Variants in NTRK2 observed in about 807,000 individuals in gnomAD.
NTRK2 encodes the protein BDNF/NT-3 growth factors receptor.
Under a neutral mutation model 94.5 loss-of-function variants are expected in NTRK2, and 13 were observed. The ratio of observed to expected loss-of-function variants is 0.14; its 90% confidence interval spans 0.09 to 0.22. The LOEUF is 0.22. Ranked by LOEUF, NTRK2 falls within the 10% of genes least tolerant of loss-of-function variation. NTRK2 has a pLI of 1.00. For missense variants in NTRK2, 639 were observed against 1,071.2 expected (o/e 0.60, Z 5.63); for synonymous variants, 372 against 407.4 (o/e 0.91, Z 1.05).
In NTRK2 at chr9:85,021,508, C is replaced by G. The variant is rs1564559389; in HGVS notation, c.*71C>G. 1 of 1,510,894 alleles carries G rather than the reference C, an allele frequency of 6.6e-7. No homozygotes were observed. Among genetic ancestry groups the G allele is most frequent in the Non-Finnish European group, 9.2e-7 (1 of 1,087,306 alleles). The allele number at this position is 1,510,894 out of a possible 1,614,324, so 93.6% of individuals were successfully genotyped here. On this transcript the variant is annotated 3_prime_UTR_variant, in exon 19 of 19. Coordinates refer to ENST00000277120, the MANE Select transcript of NTRK2 (RefSeq NM_006180.6). The stretch of plus-strand genomic sequence containing the variant: ...GGCTGAGAGGATGAACATCTTTTAA[C>G]TGCCGCTGGAGGCCACCAAGCTGCT...
chr9:84,738,432 C>A (rs1333681843), intron 9 of NTRK2, among the ~76,000 whole-genome samples: 1 of 152,116 alleles, frequency 6.6e-6, no homozygotes, highest in East Asian at 1.9e-4. Flanking sequence ...ATGAAGGAAC[C>A]ATTTAGAAAT....
intron 2 of NTRK2, among the ~76,000 whole-genome samples, chr9:84,689,318 A>G (rs1365130883): frequency 2.0e-5 from 3 of 152,212 alleles, no homozygotes; most frequent in Non-Finnish European, 4.4e-5. Flanking sequence ...CTCATCGTGT[A>G]GGACCTGGTG....
chr9:84,874,696 C>A, intron 14 of NTRK2: 1 of 1,062,316 alleles, frequency 9.4e-7, no homozygotes, highest in Non-Finnish European at 1.1e-6. Context: ...TGGACTCAGC[C>A]CCTAACTGGA....
At chr9:84,952,231 G>T (rs1187501576) in intron 16 of NTRK2, among the ~76,000 whole-genome samples, 4 of 152,186 alleles carry the variant, frequency 2.6e-5, no homozygotes, top group Non-Finnish European at 5.9e-5. Context: ...GCCCCTGGCT[G>T]CAAGAACTCA....
Position 85,021,312 on chromosome 9 carries a change from G to A in NTRK2, c.2392G>A (p.Val798Met). 6.2e-7 allele frequency: 1 copy of A among 1,614,150 alleles called. No homozygotes were observed. ...GCGACCCCGCACGTGCCCCCAGGAG[G>A]TGTATGAGCTGATGCTGGGGTGCTG... ...LQRPRTCPQEVYELMLGCWQR... is the reference protein window; with the variant it reads ...LQRPRTCPQEMYELMLGCWQR... Residue 798 changes from valine (V) to methionine (M), a missense_variant, in exon 19 of 19, where the codon GTG (valine) becomes ATG (methionine). Val to Met is a conservative substitution (Grantham distance 21, BLOSUM62 1). This residue lies in a region of NTRK2 where 77 missense variants were observed against 203.6 expected (regional missense o/e 0.38). Coordinates refer to ENST00000277120, the MANE Select transcript of NTRK2 (RefSeq NM_006180.6).
intron 17 of NTRK2, among the ~76,000 whole-genome samples, chr9:84,972,887 T>C (rs1210877804): frequency 6.6e-6 from 1 of 152,182 alleles, no homozygotes; most frequent in Non-Finnish European, 1.5e-5. Flanking sequence ...CAGATCTAGG[T>C]CCTCTGTGCA....
intron 15 of NTRK2, among the ~76,000 whole-genome samples, chr9:84,934,521 A>T (rs1235881067): frequency 1.3e-5 from 2 of 152,182 alleles, no homozygotes; most frequent in Admixed American, 6.5e-5. Flanking sequence ...GGCTGTGAAG[A>T]GCTCTGAGCT....
intron 13 of NTRK2, 55 bp downstream of exon 13, chr9:84,861,142 C>A (rs947248614): frequency 2.2e-6 from 3 of 1,355,218 alleles, no homozygotes; most frequent in Middle Eastern, 1.8e-4. Context: ...TGTTTTTATT[C>A]GGATGAAAAT....
intron 12 of NTRK2, among the ~76,000 whole-genome samples, chr9:84,832,442 A>G (rs1033768197): frequency 1.3e-5 from 2 of 152,200 alleles, no homozygotes; most frequent in African/African-American, 4.8e-5. Context: ...AGATCCAGGG[A>G]AGGATTCCTG....
chr9:84,701,230 G>A (rs2060700079), intron 2 of NTRK2, among the ~76,000 whole-genome samples: 2 of 152,218 alleles, frequency 1.3e-5, no homozygotes, highest in Non-Finnish European at 2.9e-5. Context: ...AAAGGCTCAA[G>A]TGGTATTTTT....
intron 12 of NTRK2, among the ~76,000 whole-genome samples, chr9:84,800,110 G>A (rs959687421): frequency 2.0e-4 from 31 of 152,188 alleles, no homozygotes; most frequent in Admixed American, 1.6e-3. Context: ...CCTGGATAGA[G>A]AGGATGTGTT....
intron 12 of NTRK2, chr9:84,814,446 T>TTC (rs1564339720): frequency 6.6e-6 from 7 of 1,065,500 alleles, no homozygotes; most frequent in South Asian, 9.1e-5. Flanking sequence ...TGACTTTTTT[T>TTC]TCTCTCTCTC....
chr9:84,807,267 TA>T (rs199888013), intron 12 of NTRK2, among the ~76,000 whole-genome samples: 1,598 of 152,312 alleles, frequency 0.01, 13 homozygotes, highest in Admixed American at 0.017. Context: ...GAGCCAATGA[TA>T]AAAAAGCAGA....
intron 12 of NTRK2, among the ~76,000 whole-genome samples, chr9:84,766,959 GT>G (rs1224744918): frequency 1.3e-5 from 2 of 152,108 alleles, no homozygotes; most frequent in Admixed American, 1.3e-4. Flanking sequence ...AGGTTTCTAG[GT>G]GTCTGCGGTT....
chr9:84,819,109 G>A (rs1242308421), intron 12 of NTRK2, among the ~76,000 whole-genome samples: 1 of 152,188 alleles, frequency 6.6e-6, no homozygotes, highest in African/African-American at 2.4e-5. Flanking sequence ...TGAACAGTAA[G>A]TTCCCTCCCT....
chr9:84,754,761 T>A (rs1162685524), intron 12 of NTRK2, among the ~76,000 whole-genome samples: 1 of 152,102 alleles, frequency 6.6e-6, no homozygotes, highest in African/African-American at 2.4e-5. Context: ...CTAAGCATCT[T>A]TGGGGAGGGT....
chr9:84,926,319 C>A (rs1348252563), intron 14 of NTRK2, among the ~76,000 whole-genome samples: 1 of 151,500 alleles, frequency 6.6e-6, no homozygotes, highest in Non-Finnish European at 1.5e-5. Context: ...TGCAACCTCT[C>A]CCTCCCGGGT....
chr9:85,024,285 A>G lies in NTRK2; in HGVS notation c.*2848A>G. 4.3e-6 allele frequency: 1 copy of G among 232,966 alleles called. No homozygotes were observed. Among genetic ancestry groups the G allele is most frequent in the Non-Finnish European group, 8.5e-6 (1 of 117,858 alleles). 14.4% of individuals were successfully genotyped at this position (232,966 alleles called of 1,614,324 possible). The stretch of plus-strand genomic sequence containing the variant: ...CCCCCTTTCTCATGGTCTGATTTTT[A>G]GAAGAGTGGCATCCTCGTTCTAAAA... On this transcript the variant is annotated 3_prime_UTR_variant, in exon 19 of 19. Coordinates refer to ENST00000277120, the MANE Select transcript of NTRK2 (RefSeq NM_006180.6).
intron 12 of NTRK2, chr9:84,815,606 T>C (rs7816): frequency 1.0e-6 from 1 of 1,003,194 alleles, no homozygotes; most frequent in Non-Finnish European, 1.2e-6. Flanking sequence ...ATTTTAAAAA[T>C]TTTTATTTTT....
Sources: gnomAD v4.1 joint callset for allele counts (sites outside exome capture counted in the v4.1 genomes callset) on GRCh38, gnomAD v4.1.1 for gene constraint, gnomAD v4.1.1 regional missense constraint, MANE v1.5 for transcripts, NCBI Gene and HGNC (gene_info 2026-07-23, HGNC 2026-07-21) for gene names.